Variants in JPH1 observed in about 807,000 individuals in gnomAD.
JPH1 encodes the protein junctophilin 1, also known as junctophilin-1.
JPH1 carries 12 observed loss-of-function variants against 53.6 expected under a neutral mutation model. That is an observed-to-expected ratio of 0.22 (90% CI 0.14 to 0.36). The LOEUF is 0.36. Among genes scored for constraint, JPH1 ranks in the 10% least tolerant of loss-of-function variants. The pLI is 1.00. For synonymous variants in JPH1, 375 were observed against 363.8 expected (o/e 1.03, Z -0.35); for missense variants, 808 against 905.5 (o/e 0.89, Z 1.38).
chr8:74,275,272 C>T (rs1806814495), intron 2 of JPH1, among the ~76,000 whole-genome samples: 2 of 152,138 alleles, frequency 1.3e-5, no homozygotes, highest in South Asian at 4.1e-4. Context: ...TCAAACTTAT[C>T]TACATAGTAG....
intron 3 of JPH1, among the ~76,000 whole-genome samples, chr8:74,252,788 A>G (rs1282329696): frequency 6.6e-6 from 1 of 152,122 alleles, no homozygotes; most frequent in Non-Finnish European, 1.5e-5. Flanking sequence ...AAAGATCAAA[A>G]GAGACAAGGC....
At chr8:74,251,942 C>A (rs1337582979) in intron 3 of JPH1, among the ~76,000 whole-genome samples, 1 of 152,108 alleles carries the variant, frequency 6.6e-6, no homozygotes, top group African/African-American at 2.4e-5. Flanking sequence ...CTACAGTAAC[C>A]AAAACAGCAT....
At chr8:74,245,988 G>GC (rs1165581277) in intron 3 of JPH1, among the ~76,000 whole-genome samples, 2 of 151,658 alleles carry the variant, frequency 1.3e-5, no homozygotes, top group African/African-American at 4.8e-5. Flanking sequence ...AACAGAGTGT[G>GC]TGCCACAAAA....
chr8:74,287,857 T>C (rs1458384673), intron 2 of JPH1, among the ~76,000 whole-genome samples: 1 of 152,162 alleles, frequency 6.6e-6, no homozygotes, highest in Non-Finnish European at 1.5e-5. Flanking sequence ...ATTAATCTTA[T>C]TGAAGAAATT....
At chr8:74,253,416 A>G (rs1274024816) in intron 3 of JPH1, among the ~76,000 whole-genome samples, 1 of 152,154 alleles carries the variant, frequency 6.6e-6, no homozygotes, top group Non-Finnish European at 1.5e-5. Context: ...AATTTATAGC[A>G]CTAAATGCCC....
intron 2 of JPH1, among the ~76,000 whole-genome samples, chr8:74,283,357 T>A (rs1163999908): frequency 6.6e-6 from 1 of 152,172 alleles, no homozygotes; most frequent in Non-Finnish European, 1.5e-5. Context: ...CATTTTTCAA[T>A]GTCTACATAA....
At chr8:74,263,632 T>C (rs1806454837) in intron 2 of JPH1, among the ~76,000 whole-genome samples, 1 of 152,174 alleles carries the variant, frequency 6.6e-6, no homozygotes, top group South Asian at 2.1e-4. Flanking sequence ...ATATTCCCCC[T>C]ACCCAGCCAT....
Position 74,235,244 on chromosome 8 carries a change from C to T in JPH1, c.*1807G>A, listed in dbSNP as rs534108183. ...TTAAACATTTGTTCTCAGGTAAAAA[C>T]GGACTTCCTAAATTTAAAAGTCAAA... On this transcript the variant is annotated 3_prime_UTR_variant, in exon 6 of 6. Transcript: ENST00000342232. 1 of 152,556 alleles carries T rather than the reference C, an allele frequency of 6.6e-6. No homozygotes were observed. Among genetic ancestry groups the T allele is most frequent in the East Asian group, 1.9e-4 (1 of 5,206 alleles). The allele number at this position is 152,556 out of a possible 1,614,324, so 9.5% of individuals were successfully genotyped here.
Position 74,315,222 on chromosome 8 carries a change from C to G in JPH1, c.778G>C (p.Gly260Arg). 1 of 1,614,212 alleles carries G rather than the reference C, an allele frequency of 6.2e-7. No individual in the cohort carries two copies. Among genetic ancestry groups the G allele is most frequent in the Non-Finnish European group, 8.5e-7 (1 of 1,180,046 alleles). Residue 260 changes from glycine (G) to arginine (R), a missense_variant, in exon 2 of 6, where the codon GGC (glycine) becomes CGC (arginine). Transcript: ENST00000342232. The surrounding 1 kb of genome is among the most constrained non-coding windows in gnomAD (Gnocchi z 6.3). ...GGGCAAAAATCACAATCTACATCGC[C>G]AAAGCTGATCGTGGAGTTGGCATCG... The part of the protein sequence containing the change: ...SSDANSTISF[G>R]DVDCDFCPVE...
chr8:74,239,564 A>G (rs1239701471), intron 4 of JPH1, among the ~76,000 whole-genome samples: 1 of 152,226 alleles, frequency 6.6e-6, no homozygotes, highest in Non-Finnish European at 1.5e-5. Flanking sequence ...GAGCATAGAA[A>G]TAATGCAGAA....
chr8:74,300,125 A>G (rs1162594575), intron 2 of JPH1, among the ~76,000 whole-genome samples: 1 of 152,212 alleles, frequency 6.6e-6, no homozygotes, highest in Non-Finnish European at 1.5e-5. Flanking sequence ...TTTACTGTCA[A>G]ATTCACACAG....
rs888405766 is a variant in JPH1, at chr8:74,320,556, G to T, written c.379+353C>A. The stretch of plus-strand genomic sequence containing the variant: ...GAGAGGGAGGGATCAGGAACGTAAT[G>T]TGACGGGCTCAAGTGACAGCGTCCT... On this transcript the variant is annotated intron_variant, in intron 1 of 5. Transcript: ENST00000342232. This position sits in a 1 kb window ranked among gnomAD's most constrained non-coding sequence, Gnocchi z 4.4. Among the ~76,000 whole-genome samples, 28 of 152,160 alleles carry T rather than the reference G, an allele frequency of 1.8e-4. No homozygotes were observed. Among genetic ancestry groups the T allele is most frequent in the Non-Finnish European group, 4.1e-4 (28 of 68,004 alleles).
chr8:74,299,274 T>C (rs1173075341), intron 2 of JPH1, among the ~76,000 whole-genome samples: 1 of 152,176 alleles, frequency 6.6e-6, no homozygotes, highest in African/African-American at 2.4e-5. Context: ...TTCTAATATT[T>C]CTCCCTTTTT....
chr8:74,254,246 A>G (rs1006072792), intron 3 of JPH1, among the ~76,000 whole-genome samples: 4 of 152,140 alleles, frequency 2.6e-5, no homozygotes, highest in African/African-American at 4.8e-5. Flanking sequence ...AACATACGAA[A>G]ATGAATAAAC....
intron 2 of JPH1, among the ~76,000 whole-genome samples, chr8:74,305,193 G>A (rs773528102): frequency 2.0e-5 from 3 of 152,208 alleles, no homozygotes; most frequent in South Asian, 2.1e-4. Context: ...TCTTGCAAGC[G>A]TCCAGTTTGG....
chr8:74,301,338 TG>T (rs1195942608), intron 2 of JPH1, among the ~76,000 whole-genome samples: 1 of 152,204 alleles, frequency 6.6e-6, no homozygotes, highest in Non-Finnish European at 1.5e-5. Context: ...TCCCAAACCT[TG>T]GGAATTTTGT....
chr8:74,282,988 T>A (rs1178251698), intron 2 of JPH1, among the ~76,000 whole-genome samples: 1 of 152,232 alleles, frequency 6.6e-6, no homozygotes, highest in Non-Finnish European at 1.5e-5. Flanking sequence ...TATAATATTT[T>A]ACTAGAGGTA....
chr8:74,306,557 T>A (rs1220635402), intron 2 of JPH1, among the ~76,000 whole-genome samples: 4 of 151,840 alleles, frequency 2.6e-5, no homozygotes, highest in Non-Finnish European at 5.9e-5. Context: ...AAGTATAAAG[T>A]ACAACAAAAG....
At chr8:74,317,353 A>G (rs1050042976) in intron 1 of JPH1, among the ~76,000 whole-genome samples, 3 of 152,228 alleles carry the variant, frequency 2.0e-5, no homozygotes, top group Non-Finnish European at 4.4e-5. Context: ...TTAACTTGAC[A>G]TCTATGAACT....
Sources: gnomAD v4.1 joint callset for allele counts (sites outside exome capture counted in the v4.1 genomes callset) on GRCh38, gnomAD v4.1.1 for gene constraint, Gnocchi (gnomAD v3.1) non-coding constraint, MANE v1.5 for transcripts, NCBI Gene and HGNC (gene_info 2026-07-23, HGNC 2026-07-21) for gene names.